Variants in NOS1AP observed in about 807,000 individuals in gnomAD.
The protein encoded by NOS1AP is carboxyl-terminal PDZ ligand of neuronal nitric oxide synthase protein.
In NOS1AP, 21 loss-of-function variants were observed where a neutral mutation model predicts 56.2. The observed-to-expected ratio is 0.37, with a 90% confidence interval of 0.26 to 0.54. NOS1AP has a LOEUF of 0.54. NOS1AP is among the 20% of genes least tolerant of loss of function. The pLI is 0.84. For missense variants in NOS1AP, 522 were observed against 657.8 expected (o/e 0.79, Z 2.26); for synonymous variants, 270 against 274.6 (o/e 0.98, Z 0.17).
intron 1 of NOS1AP, among the ~76,000 whole-genome samples, chr1:162,144,449 T>C (rs1052839075): frequency 6.6e-6 from 1 of 152,254 alleles, no homozygotes; most frequent in Non-Finnish European, 1.5e-5. Flanking sequence ...GACTTCCTTA[T>C]TGGTTTTCTG....
chr1:162,270,869 C>T (rs922261025), intron 2 of NOS1AP, among the ~76,000 whole-genome samples: 1 of 152,178 alleles, frequency 6.6e-6, no homozygotes, highest in Admixed American at 6.5e-5. Flanking sequence ...GGCATATCTG[C>T]CTGCATGACC....
intron 1 of NOS1AP, among the ~76,000 whole-genome samples, chr1:162,082,640 G>A (rs1691919962): frequency 6.6e-6 from 1 of 152,140 alleles, no homozygotes; most frequent in Non-Finnish European, 1.5e-5. Flanking sequence ...TTTGACTGGT[G>A]TTAGATGGTA....
At chr1:162,121,415 G>A (rs763709311) in intron 1 of NOS1AP, among the ~76,000 whole-genome samples, 4 of 152,024 alleles carry the variant, frequency 2.6e-5, no homozygotes, top group South Asian at 2.1e-4. Flanking sequence ...CACCGTGCCC[G>A]GCCTTGGAGA....
At chr1:162,243,399 G>T (rs930158841) in intron 2 of NOS1AP, among the ~76,000 whole-genome samples, 1 of 152,082 alleles carries the variant, frequency 6.6e-6, no homozygotes, top group Non-Finnish European at 1.5e-5. Flanking sequence ...CTGTGTCCTC[G>T]CTTTCCCTCT....
At chr1:162,339,366 T>C (rs1657033037) in intron 5 of NOS1AP, among the ~76,000 whole-genome samples, 2 of 151,670 alleles carry the variant, frequency 1.3e-5, no homozygotes, top group Non-Finnish European at 2.9e-5. Context: ...AAACTGGATT[T>C]GTACAGAAAT....
intron 2 of NOS1AP, among the ~76,000 whole-genome samples, chr1:162,229,809 A>G (rs1372572586): frequency 6.6e-6 from 1 of 152,172 alleles, no homozygotes; most frequent in Non-Finnish European, 1.5e-5. Flanking sequence ...GGAACTGAAA[A>G]TAGAGGAGGA....
chr1:162,219,240 C>T (rs1388807046), intron 2 of NOS1AP, among the ~76,000 whole-genome samples: 2 of 152,174 alleles, frequency 1.3e-5, no homozygotes, highest in Non-Finnish European at 2.9e-5. Context: ...ATGTCAAGAG[C>T]TTTGAACAGT....
At chr1:162,096,251 CAG>C (rs1692237205) in intron 1 of NOS1AP, among the ~76,000 whole-genome samples, 1 of 152,170 alleles carries the variant, frequency 6.6e-6, no homozygotes, top group Non-Finnish European at 1.5e-5. Context: ...TGCTTCTGTT[CAG>C]AGAGCTCCAA....
At chr1:162,266,196 C>T (rs546642282) in intron 2 of NOS1AP, among the ~76,000 whole-genome samples, 24 of 152,258 alleles carry the variant, frequency 1.6e-4, no homozygotes, top group African/African-American at 4.8e-4. Context: ...TTTCTATGAC[C>T]GCAGGAGAAG....
chr1:162,137,905 T>A (rs1649071017), intron 1 of NOS1AP, among the ~76,000 whole-genome samples: 1 of 152,086 alleles, frequency 6.6e-6, no homozygotes, highest in Non-Finnish European at 1.5e-5. Context: ...CAAGCGGTGA[T>A]TGGCTTGGAG....
chr1:162,347,444 GTTA>G (rs1283148307), intron 6 of NOS1AP, among the ~76,000 whole-genome samples: 3 of 152,214 alleles, frequency 2.0e-5, no homozygotes. Context: ...TTTGAACACT[GTTA>G]TTATCACAGA....
rs918830650 is a variant in NOS1AP at position 162,367,240 on chromosome 1, C to T, written c.1294C>T (p.Arg432Cys). 6.2e-7 allele frequency: 1 copy of T among 1,613,846 alleles called. No homozygotes were observed. Among genetic ancestry groups the T allele is most frequent in the Non-Finnish European group, 8.5e-7 (1 of 1,179,962 alleles). ...RDCLVKLECFRFLPPEDTPPP... is the reference protein window; with the variant it reads ...RDCLVKLECFCFLPPEDTPPP... ...CTGCTTGGTGAAGCTGGAGTGCTTT[C>T]GCTTTCTTCCGCCCGAGGACACCCC... The change falls in exon 10 of 10, where the codon CGC becomes TGC. Residue 432 changes from arginine (R) to cysteine (C), a missense_variant. Arg to Cys is a radical substitution (Grantham distance 180). This residue lies in a region of NOS1AP where 160 missense variants were observed against 180.3 expected (regional missense o/e 0.89). Coordinates refer to ENST00000361897, the MANE Select transcript of NOS1AP (RefSeq NM_014697.3). The surrounding 1 kb of genome is among the most constrained non-coding windows in gnomAD (Gnocchi z 6.5).
rs559794377 is a variant in NOS1AP, at chr1:162,088,909, A to G, written c.105+18627A>G. ...GAATTATGAATTTATGAATACATAC[A>G]ATCTGGAGACCGATACCTCTTTTGG... On this transcript the variant is annotated intron_variant, in intron 1 of 9. Transcript: ENST00000361897. Among the ~76,000 whole-genome samples, 5 of 152,262 alleles carry G rather than the reference A, an allele frequency of 3.3e-5. No homozygotes were observed. In the South Asian group the frequency reaches 1.0e-3, roughly 32 times the overall value.
intron 2 of NOS1AP, among the ~76,000 whole-genome samples, chr1:162,229,299 G>C (rs1156253566): frequency 6.6e-6 from 1 of 152,186 alleles, no homozygotes. Flanking sequence ...TAAGATACTG[G>C]TTAGATGTCT....
At chr1:162,127,298 T>C (rs1299859550) in intron 1 of NOS1AP, among the ~76,000 whole-genome samples, 3 of 152,194 alleles carry the variant, frequency 2.0e-5, no homozygotes, top group Non-Finnish European at 4.4e-5. Context: ...AAGTTGAAAG[T>C]ATAGTGCAAT....
At chr1:162,205,983 C>T (rs547528231) in intron 2 of NOS1AP, among the ~76,000 whole-genome samples, 10 of 152,280 alleles carry the variant, frequency 6.6e-5, no homozygotes, top group African/African-American at 2.4e-4. Flanking sequence ...CACCTCTCAG[C>T]AAAGCAGTCA....
At chr1:162,121,101 T>TC (rs1346057205) in intron 1 of NOS1AP, among the ~76,000 whole-genome samples, 2 of 151,598 alleles carry the variant, frequency 1.3e-5, no homozygotes, top group East Asian at 3.9e-4. Flanking sequence ...TTTTTTTTTT[T>TC]TTCATTTGAA....
intron 1 of NOS1AP, among the ~76,000 whole-genome samples, chr1:162,118,288 C>T (rs531650896): frequency 1.2e-4 from 19 of 152,286 alleles, no homozygotes; most frequent in African/African-American, 4.1e-4. Context: ...CAGTGTCTGT[C>T]GTTCCCATAT....
intron 1 of NOS1AP, among the ~76,000 whole-genome samples, chr1:162,101,352 G>C (rs1012168735): frequency 1.5e-4 from 23 of 152,196 alleles, no homozygotes; most frequent in Admixed American, 1.0e-3. Context: ...TTGTAGTATA[G>C]TTTGAAGTTA....
Sources: allele counts gnomAD v4.1 joint callset (sites outside exome capture counted in the v4.1 genomes callset), GRCh38; gene constraint gnomAD v4.1.1; regional missense constraint gnomAD v4.1.1; non-coding constraint Gnocchi (gnomAD v3.1); transcripts MANE v1.5; gene names NCBI Gene and HGNC (gene_info 2026-07-23, HGNC 2026-07-21).